The following ETFRF1 variants were observed in gnomAD, a reference collection of about 807,000 sequenced individuals.
ETFRF1 encodes electron transfer flavoprotein regulatory factor 1.
Under a neutral mutation model 9.0 loss-of-function variants are expected in ETFRF1, and 12 were observed. The ratio of observed to expected loss-of-function variants is 1.34; its 90% CI spans 0.86 to 2.16. The LOEUF (loss-of-function observed/expected upper bound fraction) is 2.16. ETFRF1 is among the 30% of genes most tolerant of loss of function. The probability of loss-of-function intolerance (pLI) is 0.00; values close to 1 mark genes in which losing one functional copy is unlikely to be tolerated. For missense variants in ETFRF1, 98 were observed against 101.8 expected, an observed-to-expected ratio of 0.96 and a Z score of 0.16; for synonymous variants, 34 against 33.2, an observed-to-expected ratio of 1.02 and a Z score of -0.08.
At chr12:25,201,843 G>A (rs1951075630) in intron 1 of ETFRF1, among the ~76,000 whole-genome samples, 1 of 151,950 alleles carries the variant, frequency 6.6e-6, no homozygotes, top group South Asian at 2.1e-4. Context: ...TTTTAATTGA[G>A]TATGGTACTG....
At chr12:25,195,427 G>A (rs1270891986) in intron 1 of ETFRF1, 90 bp downstream of exon 1, 4 of 497,358 alleles carry the variant, frequency 8.0e-6, no homozygotes, top group South Asian at 6.4e-5. Flanking sequence ...GGACCACCGG[G>A]TGTGGGAAGA....
At chr12:25,202,545 A>T (rs1951083784) in intron 1 of ETFRF1, among the ~76,000 whole-genome samples, 1 of 152,056 alleles carries the variant, frequency 6.6e-6, no homozygotes, top group African/African-American at 2.4e-5. Flanking sequence ...GTGCAGTGTA[A>T]GTTGCTTGAG....
chr12:25,204,694 TA>T lies in ETFRF1; in HGVS notation c.*383del, dbSNP rs61501128. ...TAAGCAAAATAATTTCTTACACACT[TA>T]CTTCTCTTAACTTTTGAAAGGAATC... On this transcript the variant is annotated 3_prime_UTR_variant, in exon 3 of 3. Coordinates refer to ENST00000381356, the MANE Select transcript of ETFRF1 (RefSeq NM_001001660.3). 94,530 of 185,800 alleles carry T rather than the reference TA, an allele frequency of 0.51. 25,283 individuals are homozygous for T. The highest frequency in any genetic ancestry group is 0.8 in the East Asian group (8,742 of 10,970). The allele number at this position is 185,800 out of a possible 1,614,324, so 11.5% of individuals were successfully genotyped here.
intron 1 of ETFRF1, among the ~76,000 whole-genome samples, chr12:25,199,370 A>G (rs1299787613): frequency 1.3e-5 from 2 of 149,564 alleles, no homozygotes; most frequent in East Asian, 3.9e-4. Flanking sequence ...TATATAGTAC[A>G]TAACTATATA....
Position 25,199,886 on chromosome 12 carries a change from GGAA to G in ETFRF1, c.-37-4027_-37-4025del, listed in dbSNP as rs1268859393. ...AAATGAACAACTCAGTAGAACACTTGGAAGAAGAAAATGAGAAAATCCCCCATA... is the reference window on the plus strand; with the variant it reads ...AAATGAACAACTCAGTAGAACACTTGGAAGAAAATGAGAAAATCCCCCATA... On this transcript the variant is annotated intron_variant, in intron 1 of 2. Coordinates refer to ENST00000381356, the MANE Select transcript of ETFRF1 (RefSeq NM_001001660.3). 2.0e-5 allele frequency among the ~76,000 whole-genome samples: 3 copies of G among 152,038 alleles called. No homozygotes were observed. The South Asian group carries it at 6.2e-4, about 32-fold the overall frequency.
intron 1 of ETFRF1, among the ~76,000 whole-genome samples, chr12:25,200,834 G>A (rs1023359430): frequency 6.6e-6 from 1 of 152,230 alleles, no homozygotes; most frequent in Non-Finnish European, 1.5e-5. Context: ...ATTTCTGGGA[G>A]CATGGTCAAG....
chr12:25,196,931 G>A (rs1951028447), intron 1 of ETFRF1, among the ~76,000 whole-genome samples: 2 of 152,128 alleles, frequency 1.3e-5, no homozygotes, highest in African/African-American at 4.8e-5. Flanking sequence ...AAAGTGGGTG[G>A]ATCACGAGGT....
chr12:25,204,235 C>T lies in ETFRF1; in HGVS notation c.196C>T (p.Leu66=), dbSNP rs778149700. ...IAQGEFVMKE[L]EALYFLRKYR... ...ACAGGGCGAATTTGTAATGAAAGAGCTAGAAGCTTTGTACTTCCTTAGGAA... is the reference window on the plus strand; with the variant it reads ...ACAGGGCGAATTTGTAATGAAAGAGTTAGAAGCTTTGTACTTCCTTAGGAA... Residue 66 remains leucine (L), a synonymous_variant, in exon 3 of 3, where the codon CTA becomes TTA. Transcript: ENST00000381356. The T allele has an allele frequency of 1.2e-6, 2 of 1,611,314 alleles. No individual in the cohort carries two copies. The highest frequency in any genetic ancestry group is 2.2e-5 in the South Asian group (2 of 90,324).
intron 1 of ETFRF1, among the ~76,000 whole-genome samples, chr12:25,199,060 T>G (rs1951053329): frequency 6.6e-6 from 1 of 152,106 alleles, no homozygotes; most frequent in Non-Finnish European, 1.5e-5. Flanking sequence ...TTTCTATTAT[T>G]TTTTTAAGTT....
At position 25,204,227 on chromosome 12, in the gene ETFRF1, T is replaced by TGAAA. The variant is rs1267359200; in HGVS notation, c.191_194dup (p.Leu66ArgfsTer9). On this transcript the variant is annotated frameshift_variant, in exon 3 of 3. Transcript: ENST00000381356. LOFTEE classifies it high-confidence loss of function. ...CTTATTGCACAGGGCGAATTTGTAA[T>TGAAA]GAAAGAGCTAGAAGCTTTGTACTTC... The TGAAA allele has an allele frequency of 6.2e-7, 1 of 1,612,028 alleles. No individual in the cohort carries two copies. The highest frequency in any genetic ancestry group is 1.3e-5 in the African/African-American group (1 of 74,772).
chr12:25,203,476 C>T (rs1292187458), intron 1 of ETFRF1, among the ~76,000 whole-genome samples: 2 of 152,216 alleles, frequency 1.3e-5, no homozygotes, highest in African/African-American at 4.8e-5. Flanking sequence ...GCTCAATGTC[C>T]TTCAAGTGGC....
chr12:25,203,523 CTT>C (rs201728413), intron 1 of ETFRF1, among the ~76,000 whole-genome samples: 2,480 of 152,296 alleles, frequency 0.016, 43 homozygotes, highest in Middle Eastern at 0.054. Context: ...AAGATAATCT[CTT>C]GTTTGTTGAT....
Position 25,203,918 on chromosome 12 carries a change from A to G in ETFRF1, c.-37-2A>G. 2 of 1,387,614 alleles carry G rather than the reference A, an allele frequency of 1.4e-6. No individual in the cohort carries two copies. The highest frequency in any genetic ancestry group is 9.4e-7 in the Non-Finnish European group (1 of 1,062,228). 86.0% of individuals were successfully genotyped at this position (1,387,614 alleles called of 1,614,324 possible). On this transcript the variant is annotated splice_acceptor_variant, in intron 1 of 2. Transcript: ENST00000381356. LOFTEE classifies it low-confidence loss of function (5UTR_SPLICE). Reference sequence around the variant, plus strand: ...ATTGCAAAAAAATTTTCCTTTCTTTAGGTATGTTATGCATAAAAGTGGATA... The same window carrying G: ...ATTGCAAAAAAATTTTCCTTTCTTTGGGTATGTTATGCATAAAAGTGGATA...
At chr12:25,199,053 C>G (rs958579558) in intron 1 of ETFRF1, among the ~76,000 whole-genome samples, 1 of 151,934 alleles carries the variant, frequency 6.6e-6, no homozygotes, top group Middle Eastern at 3.2e-3. Context: ...GCTGGCATTT[C>G]TATTATTTTT....
chr12:25,201,864 C>T (rs1006684351), intron 1 of ETFRF1, among the ~76,000 whole-genome samples: 3 of 151,794 alleles, frequency 2.0e-5, no homozygotes, highest in African/African-American at 7.3e-5. Context: ...TAATTTTAAT[C>T]CACATTTTCT....
In ETFRF1 at chr12:25,204,723, T is replaced by TTA; in HGVS notation, c.*413_*414dup. ...TCTCTTAACTTTTGAAAGGAATCCC[T>TTA]TATTTTTTCACCCAATTTGGTATAT... On this transcript the variant is annotated 3_prime_UTR_variant, in exon 3 of 3. Transcript: ENST00000381356. 5.4e-6 allele frequency: 1 copy of TTA among 183,800 alleles called. No individual in the cohort carries two copies. The highest frequency in any genetic ancestry group is 2.3e-5 in the African/African-American group (1 of 42,684). The allele number at this position is 183,800 out of a possible 1,614,324, so 11.4% of individuals were successfully genotyped here.
chr12:25,195,486 TGG>T (rs2141457352), intron 1 of ETFRF1, 149 bp downstream of exon 1: 1 of 337,972 alleles, frequency 3.0e-6, no homozygotes, highest in South Asian at 3.0e-5. Context: ...TAGAGTGTGT[TGG>T]GTCTTTCTGT....
At chr12:25,203,874 TA>T in intron 1 of ETFRF1, 45 bp from the exon 2 acceptor site, 1 of 1,060,398 alleles carries the variant, frequency 9.4e-7, no homozygotes, top group Non-Finnish European at 1.3e-6. Flanking sequence ...TTTATTTTTT[TA>T]AGACTACAAT....
At chr12:25,199,648 A>ACACACACAC (rs397933046) in intron 1 of ETFRF1, among the ~76,000 whole-genome samples, 22 of 150,380 alleles carry the variant, frequency 1.5e-4, no homozygotes, top group African/African-American at 5.4e-4. Flanking sequence ...ACACACACAC[A>ACACACACAC]ATGAAGCCAT....
Sources: gnomAD v4.1 joint callset for allele counts (sites outside exome capture counted in the v4.1 genomes callset) on GRCh38, gnomAD v4.1.1 for gene constraint, MANE v1.5 for transcripts, NCBI Gene and HGNC (gene_info 2026-07-23, HGNC 2026-07-21) for gene names.